Variants in TENT2 observed in about 807,000 individuals in gnomAD.
The protein encoded by TENT2 is terminal nucleotidyltransferase 2.
A neutral mutation model predicts 72.2 loss-of-function variants in TENT2; 44 were observed. The ratio of observed to expected loss-of-function variants is 0.61; its 90% CI spans 0.48 to 0.78. The LOEUF (loss-of-function observed/expected upper bound fraction) is 0.78. Among genes scored for constraint, TENT2 ranks in the 30% least tolerant of loss-of-function variants. The pLI is 0.00. For missense variants in TENT2, 541 were observed against 569.6 expected (o/e 0.95, Z 0.51); for synonymous variants, 212 against 192.5 (o/e 1.10, Z -0.84).
intron 10 of TENT2, among the ~76,000 whole-genome samples, chr5:79,654,792 A>G (rs1190222254): frequency 6.6e-6 from 1 of 152,120 alleles, no homozygotes; most frequent in African/African-American, 2.4e-5. Context: ...ATAAGTAAAT[A>G]AAGTTGTTCT....
At chr5:79,642,360 C>T (rs1785147603) in intron 6 of TENT2, among the ~76,000 whole-genome samples, 2 of 151,958 alleles carry the variant, frequency 1.3e-5, no homozygotes, top group Non-Finnish European at 2.9e-5. Flanking sequence ...CTTTTTCGTG[C>T]TGCTAGATTA....
At chr5:79,676,636 T>G (rs1183344470) in intron 12 of TENT2, among the ~76,000 whole-genome samples, 1 of 152,132 alleles carries the variant, frequency 6.6e-6, no homozygotes, top group Non-Finnish European at 1.5e-5. Context: ...TGAATGCCAG[T>G]CTGTTAACAT....
intron 11 of TENT2, among the ~76,000 whole-genome samples, chr5:79,660,745 G>A (rs1460077015): frequency 1.3e-5 from 2 of 152,110 alleles, no homozygotes; most frequent in Non-Finnish European, 2.9e-5. Flanking sequence ...CATTATTTGT[G>A]AGTGTACTCT....
intron 10 of TENT2, among the ~76,000 whole-genome samples, chr5:79,649,703 G>T (rs1792154837): frequency 6.6e-6 from 1 of 151,998 alleles, no homozygotes; most frequent in Admixed American, 6.6e-5. Flanking sequence ...GGCCATTCTG[G>T]TAAAAGCTAT....
At position 79,679,649 on chromosome 5, in the gene TENT2, A is replaced by T. The variant is rs1244214583; in HGVS notation, c.1279A>T (p.Asn427Tyr). Residue 427 changes from asparagine (N) to tyrosine (Y), a missense_variant, in exon 13 of 15, where the codon AAT becomes TAT. Transcript: ENST00000453514. ...IPRPDGIEWR[N>Y]KYICVEEPFD... ...AAGGCCTGATGGTATTGAATGGAGA[A>T]ATAAATACATCTGTGTAGAAGGTAG... 8.1e-6 allele frequency: 13 copies of T among 1,595,574 alleles called. No individual in the cohort carries two copies. The highest frequency in any genetic ancestry group is 1.0e-5 in the Non-Finnish European group (12 of 1,169,410).
intron 11 of TENT2, among the ~76,000 whole-genome samples, chr5:79,658,484 C>A (rs1281015315): frequency 6.6e-6 from 1 of 151,994 alleles, no homozygotes; most frequent in Non-Finnish European, 1.5e-5. Context: ...AGCCACTACA[C>A]CCAGCCTGTT....
chr5:79,635,067 G>T (rs745435419), intron 4 of TENT2, among the ~76,000 whole-genome samples: 4 of 152,164 alleles, frequency 2.6e-5, no homozygotes, highest in Non-Finnish European at 4.4e-5. Flanking sequence ...TGCATGGTCA[G>T]CTTGTTATTA....
In TENT2 at chr5:79,619,605, A is replaced by G; in HGVS notation, c.-37-7A>G. On this transcript the variant is annotated splice_region_variant and splice_polypyrimidine_tract_variant and intron_variant, in intron 1 of 14. Transcript: ENST00000453514. ...TAATTTAATATTGTCTTTTTAAATT[A>G]TCCTAGGTAGAAGAATACATGTTCA... 6.3e-7 allele frequency: 1 copy of G among 1,584,902 alleles called. No individual in the cohort carries two copies. Among genetic ancestry groups the G allele is most frequent in the Non-Finnish European group, 8.6e-7 (1 of 1,163,526 alleles).
At chr5:79,669,080 A>G (rs778042682) in intron 12 of TENT2, 52 bp downstream of exon 12, 63 of 1,394,024 alleles carry the variant, frequency 4.5e-5, no homozygotes, top group Non-Finnish European at 5.4e-5. Flanking sequence ...GTGTGTGTGT[A>G]TGTATGTATA....
chr5:79,648,313 A>AG (rs1374390738), intron 8 of TENT2, among the ~76,000 whole-genome samples: 2 of 152,108 alleles, frequency 1.3e-5, no homozygotes, highest in African/African-American at 4.8e-5. Context: ...ATCTCTTTAA[A>AG]GAAAAAAAAA....
At chr5:79,618,595 T>G (rs1358595961) in intron 1 of TENT2, among the ~76,000 whole-genome samples, 2 of 129,606 alleles carry the variant, frequency 1.5e-5, no homozygotes, top group East Asian at 2.3e-4. Context: ...TTAATCTGAG[T>G]TTTTTTTTTG....
chr5:79,644,989 A>AAC, intron 7 of TENT2, 134 bp from the exon 8 acceptor site: 1 of 660,808 alleles, frequency 1.5e-6, no homozygotes, highest in Non-Finnish European at 2.5e-6. Flanking sequence ...TAATGTCCTC[A>AAC]CTTGTATTCT....
chr5:79,635,786 G>C (rs954334121), intron 4 of TENT2, among the ~76,000 whole-genome samples: 11 of 152,130 alleles, frequency 7.2e-5, no homozygotes, highest in African/African-American at 2.7e-4. Context: ...GAACTCCTGA[G>C]CTCCGGCAGT....
chr5:79,630,802 C>A, intron 4 of TENT2, among the ~76,000 whole-genome samples: 1 of 143,802 alleles, frequency 7.0e-6, no homozygotes. Flanking sequence ...CTAATAACAG[C>A]AGTAACCTAT....
In TENT2 at chr5:79,687,899, T is replaced by TACAC. The variant is rs749156052; in HGVS notation, c.*2626_*2627insACAC. 2.7e-4 allele frequency among the ~76,000 whole-genome samples: 41 copies of TACAC among 152,346 alleles called. No individual in the cohort carries two copies. Among genetic ancestry groups the TACAC allele is most frequent in the Non-Finnish European group, 5.0e-4 (34 of 68,028 alleles). ...TGGCTACCTGTGATTTTGATTAGTGTTTAACAGATTGCCACAGCTGTGATT... is the reference window on the plus strand; with the variant it reads ...TGGCTACCTGTGATTTTGATTAGTGTACACTTAACAGATTGCCACAGCTGTGATT... On this transcript the variant is annotated 3_prime_UTR_variant, in exon 15 of 15. Transcript: ENST00000453514.
intron 14 of TENT2, among the ~76,000 whole-genome samples, chr5:79,683,923 CAAAAAAAAAAAAAA>C (rs761567083): frequency 9.6e-5 from 4 of 41,564 alleles, no homozygotes; most frequent in East Asian, 8.2e-4. Flanking sequence ...GACTCCGTCT[CAAAAAAAAAAAAAA>C]AAAAAAAAAA....
At chr5:79,638,876 T>C (rs1782265203) in intron 4 of TENT2, among the ~76,000 whole-genome samples, 3 of 152,220 alleles carry the variant, frequency 2.0e-5, no homozygotes, top group South Asian at 4.1e-4. Flanking sequence ...TAAAAAAATG[T>C]TATGCTTCTT....
Position 79,648,606 on chromosome 5 carries a change from T to G in TENT2, c.822-11T>G. On this transcript the variant is annotated splice_polypyrimidine_tract_variant and intron_variant, in intron 8 of 14. Coordinates refer to ENST00000453514, the MANE Select transcript of TENT2 (RefSeq NM_001114394.3). ...TAAAGTTTATTTATTTATTTATTTT[T>G]TCTTAAATAGTTGTGTGGAGTTTGA... 1 of 1,510,772 alleles carries G rather than the reference T, an allele frequency of 6.6e-7. No individual in the cohort carries two copies. Among genetic ancestry groups the G allele is most frequent in the Non-Finnish European group, 9.0e-7 (1 of 1,114,582 alleles). 93.6% of individuals were successfully genotyped at this position (1,510,772 alleles called of 1,614,324 possible). A position where few individuals can be genotyped will look rare whatever the true frequency, so the allele number is the denominator to read the frequency against.
chr5:79,645,141 C>A lies in TENT2; in HGVS notation c.770C>A (p.Pro257His), dbSNP rs1434962566. 6.2e-7 allele frequency: 1 copy of A among 1,606,704 alleles called. No homozygotes were observed. The highest frequency in any genetic ancestry group is 1.1e-5 in the South Asian group (1 of 89,788). ...CTTTCAGCGGGCTACATTGAGAGAC[C>A]TCAGCTGATTCGAGCAAAAGTGCCA... Reference protein sequence around the residue: ...CTRLSGYIERPQLIRAKVPIV... With the variant: ...CTRLSGYIERHQLIRAKVPIV... The change falls in exon 8 of 15, where the codon CCT becomes CAT. Residue 257 changes from proline (P) to histidine (H), a missense_variant. Physicochemically the swap from Pro to His is moderately conservative, Grantham distance 77 (BLOSUM62 -2). Coordinates refer to ENST00000453514, the MANE Select transcript of TENT2 (RefSeq NM_001114394.3).
Sources: gnomAD v4.1 joint callset for allele counts (sites outside exome capture counted in the v4.1 genomes callset) on GRCh38, gnomAD v4.1.1 for gene constraint, MANE v1.5 for transcripts, NCBI Gene and HGNC (gene_info 2026-07-23, HGNC 2026-07-21) for gene names.